Variants in ANXA3 observed in about 807,000 individuals in gnomAD.
ANXA3 encodes 35-alpha calcimedin.
ANXA3 carries 46 observed loss-of-function variants against 48.8 expected under a neutral mutation model. That is an observed-to-expected ratio of 0.94 (90% CI 0.74 to 1.21). ANXA3 has a LOEUF of 1.21. Ranked by LOEUF, ANXA3 falls within the 50% of genes most tolerant of loss-of-function variation. The pLI is 0.00. For missense variants in ANXA3, 383 were observed against 378.6 expected (o/e 1.01, Z -0.10); for synonymous variants, 128 against 134.7 (o/e 0.95, Z 0.35).
In ANXA3 at chr4:78,579,073, T is replaced by C. The variant is rs201486819; in HGVS notation, c.150T>C (p.Asn50=). 6.2e-7 allele frequency: 1 copy of C among 1,612,836 alleles called. No individual in the cohort carries two copies. The highest frequency in any genetic ancestry group is 2.2e-5 in the East Asian group (1 of 44,872). Residue 50 remains asparagine (N), a synonymous_variant, in exon 4 of 13, where the codon AAT becomes AAC. Coordinates refer to ENST00000264908, the MANE Select transcript of ANXA3 (RefSeq NM_005139.3). The stretch of plus-strand genomic sequence containing the variant: ...TCAGCATTCTGACTGAGAGGTCAAA[T>C]GCACAGCGGCAGCTGATTGTTAAGG... ...MLISILTERS[N]AQRQLIVKEY...
intron 2 of ANXA3, among the ~76,000 whole-genome samples, chr4:78,562,686 G>C (rs1420541472): frequency 1.3e-5 from 2 of 152,164 alleles, no homozygotes; most frequent in Non-Finnish European, 2.9e-5. Flanking sequence ...CATTTTATTA[G>C]GGAAGACAGA....
intron 11 of ANXA3, 167 bp downstream of exon 11, chr4:78,601,735 A>C (rs1250351481): frequency 3.8e-6 from 2 of 525,892 alleles, no homozygotes; most frequent in Non-Finnish European, 6.7e-6. Flanking sequence ...CACTCTTTAC[A>C]CAGACACCTG....
intron 2 of ANXA3, among the ~76,000 whole-genome samples, chr4:78,567,253 C>T (rs1228037203): frequency 6.6e-6 from 1 of 152,162 alleles, no homozygotes; most frequent in African/African-American, 2.4e-5. Flanking sequence ...CTGCTGGTTT[C>T]GAATGACATG....
rs1386224032 is a variant in ANXA3, at chr4:78,595,791, T to A, written c.541-3T>A. 1 of 1,578,374 alleles carries A rather than the reference T, an allele frequency of 6.3e-7. No homozygotes were observed. Among genetic ancestry groups the A allele is most frequent in the East Asian group, 2.2e-5 (1 of 44,670 alleles). ...GTCTCTAATATCATTCTCTTGTGAA[T>A]AGATTCTCTATAAAGCTGGTGAGAA... On this transcript the variant is annotated splice_region_variant and splice_polypyrimidine_tract_variant and intron_variant, in intron 8 of 12. Coordinates refer to ENST00000264908, the MANE Select transcript of ANXA3 (RefSeq NM_005139.3).
At chr4:78,598,026 G>A (rs1333765737) in intron 10 of ANXA3, among the ~76,000 whole-genome samples, 1 of 152,076 alleles carries the variant, frequency 6.6e-6, no homozygotes, top group Non-Finnish European at 1.5e-5. Flanking sequence ...TTTTTATTGA[G>A]CTTTGTTGAA....
intron 10 of ANXA3, among the ~76,000 whole-genome samples, chr4:78,600,885 G>A (rs1329059752): frequency 6.6e-6 from 1 of 150,400 alleles, no homozygotes; most frequent in Non-Finnish European, 1.5e-5. Flanking sequence ...CCTTTTTCTT[G>A]TTTTATTTCT....
intron 11 of ANXA3, chr4:78,601,872 A>C (rs1723549446): frequency 4.6e-6 from 1 of 217,762 alleles, no homozygotes; most frequent in East Asian, 9.6e-5. Context: ...GTAGATGCTA[A>C]TATTCCACTT....
intron 2 of ANXA3, among the ~76,000 whole-genome samples, chr4:78,568,405 G>A (rs926600755): frequency 7.9e-5 from 12 of 152,128 alleles, no homozygotes; most frequent in Admixed American, 1.3e-4. Context: ...GTTTCTCCCC[G>A]GCTCTTTGAG....
At chr4:78,582,524 C>CT (rs1383162779) in intron 5 of ANXA3, 11 of 432,180 alleles carry the variant, frequency 2.5e-5, no homozygotes, top group African/African-American at 2.2e-4. Context: ...GTCAAGTTCT[C>CT]TAATTTGTCA....
At chr4:78,571,460 C>T (rs1041809159) in intron 2 of ANXA3, among the ~76,000 whole-genome samples, 8 of 152,158 alleles carry the variant, frequency 5.3e-5, no homozygotes, top group Admixed American at 3.9e-4. Flanking sequence ...ATTATTCAGT[C>T]TAATCTAATG....
intron 3 of ANXA3, 55 bp downstream of exon 3, chr4:78,573,322 C>G: frequency 7.3e-7 from 1 of 1,368,496 alleles, no homozygotes; most frequent in Non-Finnish European, 1.0e-6. Flanking sequence ...AGGCAAGTTA[C>G]AATCTAAAAG....
At chr4:78,596,230 C>G (rs1284163872) in intron 9 of ANXA3, among the ~76,000 whole-genome samples, 3 of 152,230 alleles carry the variant, frequency 2.0e-5, no homozygotes, top group African/African-American at 7.2e-5. Flanking sequence ...CTCCACCTAA[C>G]AGTTCTCCCT....
intron 3 of ANXA3, among the ~76,000 whole-genome samples, chr4:78,578,485 T>C (rs1723008592): frequency 6.6e-6 from 1 of 152,166 alleles, no homozygotes; most frequent in Non-Finnish European, 1.5e-5. Flanking sequence ...TTCAACTTCT[T>C]GCTGGACCAC....
At position 78,585,760 on chromosome 4, in the gene ANXA3, T is replaced by C. The variant is rs544125429; in HGVS notation, c.313-500T>C. Among the ~76,000 whole-genome samples the C allele has an allele frequency of 2.1e-4, 32 of 152,280 alleles. 1 individual carries two copies. The highest frequency in any genetic ancestry group is 7.7e-4 in the African/African-American group (32 of 41,556). On this transcript the variant is annotated intron_variant, in intron 5 of 12. Coordinates refer to ENST00000264908, the MANE Select transcript of ANXA3 (RefSeq NM_005139.3). Reference sequence around the variant, plus strand: ...TCACAGTGTGATTCAGTGACCTTGATATAAACAGGACTGAGAGGTAATTAG... The same window carrying C: ...TCACAGTGTGATTCAGTGACCTTGACATAAACAGGACTGAGAGGTAATTAG...
chr4:78,598,426 T>C (rs1391429530), intron 10 of ANXA3, among the ~76,000 whole-genome samples: 1 of 152,142 alleles, frequency 6.6e-6, no homozygotes, highest in Non-Finnish European at 1.5e-5. Context: ...AAAACTTTCT[T>C]CTTCAATTAA....
At position 78,580,609 on chromosome 4, in the gene ANXA3, C is replaced by T. The variant is rs555902577; in HGVS notation, c.198+1488C>T. Among the ~76,000 whole-genome samples, 21 of 152,282 alleles carry T rather than the reference C, an allele frequency of 1.4e-4. No individual in the cohort carries two copies. The South Asian group carries it at 2.7e-3, about 20-fold the overall frequency. ...TGGGGGGAAAAGGTACAAACAGACC[C>T]GGCCAACTGTTGAGAGGGTCTAGTG... On this transcript the variant is annotated intron_variant, in intron 4 of 12. Coordinates refer to ENST00000264908, the MANE Select transcript of ANXA3 (RefSeq NM_005139.3).
chr4:78,586,204 G>A (rs1281106951), intron 5 of ANXA3, 56 bp from the exon 6 acceptor site: 16 of 1,374,178 alleles, frequency 1.2e-5, no homozygotes, highest in Admixed American at 7.0e-5. Context: ...AGACCAAAAG[G>A]CATGAGATTA....
At chr4:78,578,345 G>C (rs555281665) in intron 3 of ANXA3, among the ~76,000 whole-genome samples, 112 of 135,668 alleles carry the variant, frequency 8.3e-4, no homozygotes, top group African/African-American at 3.0e-3. Flanking sequence ...GAGGGAGGGA[G>C]GGAGGGAAGG....
chr4:78,556,623 G>T (rs1225622112), intron 2 of ANXA3, among the ~76,000 whole-genome samples: 1 of 152,138 alleles, frequency 6.6e-6, no homozygotes, highest in African/African-American at 2.4e-5. Flanking sequence ...AAGGTGTGCT[G>T]TTGGAAGGCT....
Sources: gnomAD v4.1 joint callset for allele counts (sites outside exome capture counted in the v4.1 genomes callset) on GRCh38, gnomAD v4.1.1 for gene constraint, MANE v1.5 for transcripts, NCBI Gene and HGNC (gene_info 2026-07-23, HGNC 2026-07-21) for gene names.